The following FAM227B variants were observed in gnomAD, a reference collection of about 807,000 sequenced individuals.
The protein encoded by FAM227B is family with sequence similarity 227 member B.
A neutral mutation model predicts 73.8 loss-of-function variants in FAM227B; 88 were observed. The ratio of observed to expected loss-of-function variants is 1.19; its 90% CI spans 1.00 to 1.42. The LOEUF is 1.42. Among genes scored for constraint, FAM227B ranks in the 40% most tolerant of loss-of-function variants. The pLI, the probability that FAM227B is intolerant of heterozygous loss-of-function variation, is 0.00. For synonymous variants in FAM227B, 210 were observed against 190.5 expected (o/e 1.10, Z -0.84); for missense variants, 632 against 590.9 (o/e 1.07, Z -0.72).
intron 1 of FAM227B, among the ~76,000 whole-genome samples, chr15:49,618,343 T>C (rs1012881012): frequency 6.6e-6 from 1 of 152,162 alleles, no homozygotes; most frequent in African/African-American, 2.4e-5. Flanking sequence ...CTAAAGGCTG[T>C]AACGCTGTAG....
At chr15:49,482,316 C>T (rs1187702377) in intron 11 of FAM227B, among the ~76,000 whole-genome samples, 5 of 151,882 alleles carry the variant, frequency 3.3e-5, no homozygotes, top group Admixed American at 1.3e-4. Flanking sequence ...AGTAAGTTAC[C>T]ATTCTTGTGT....
intron 12 of FAM227B, 29 bp downstream of exon 12, chr15:49,371,273 A>T (rs746011176): frequency 3.6e-6 from 5 of 1,388,328 alleles, no homozygotes; most frequent in Non-Finnish European, 5.1e-6. Flanking sequence ...ACAAGTAAGA[A>T]ATTTTTTCAT....
At chr15:49,571,552 C>T (rs751962699) in intron 8 of FAM227B, among the ~76,000 whole-genome samples, 10 of 151,618 alleles carry the variant, frequency 6.6e-5, no homozygotes, top group Non-Finnish European at 1.3e-4. Flanking sequence ...GTTCAATTTC[C>T]GTCTTCTGCA....
chr15:49,567,969 A>T (rs563013877), intron 9 of FAM227B, among the ~76,000 whole-genome samples: 1 of 152,212 alleles, frequency 6.6e-6, no homozygotes, highest in East Asian at 1.9e-4. Flanking sequence ...AAAAACAGGA[A>T]CATACATAGA....
In FAM227B at chr15:49,352,971, A is replaced by C. The variant is rs528112204; in HGVS notation, c.1271+14477T>G. ...CTTAGCTTTGCTTGGTCAACAGGTT[A>C]TTCTGGTAGTCTTTTAGGGGACTAT... is the stretch of plus-strand genomic sequence containing the variant. On this transcript the variant is annotated intron_variant, in intron 13 of 15. Transcript: ENST00000299338. Among the ~76,000 whole-genome samples, 138 of 152,318 alleles carry C rather than the reference A, an allele frequency of 9.1e-4. 5 individuals carry two copies. In the South Asian group the frequency reaches 0.027, roughly 30 times the overall value.
intron 11 of FAM227B, among the ~76,000 whole-genome samples, chr15:49,464,260 A>G (rs964696959): frequency 2.0e-5 from 3 of 152,164 alleles, no homozygotes; most frequent in African/African-American, 7.2e-5. Flanking sequence ...TTTTTTGCCC[A>G]ACAATTTCTG....
chr15:49,590,073 C>CA (rs1193036499), intron 3 of FAM227B, 66 bp from the exon 4 acceptor site: 2 of 832,358 alleles, frequency 2.4e-6, no homozygotes, highest in African/African-American at 3.5e-5. Context: ...TAATAGAGTT[C>CA]AAAACCAATG....
chr15:49,550,284 G>A (rs1257746207), intron 9 of FAM227B, among the ~76,000 whole-genome samples: 19 of 145,916 alleles, frequency 1.3e-4, no homozygotes, highest in Non-Finnish European at 1.8e-4. Context: ...AGGGGCGGCC[G>A]GGCAGAGGCG....
At chr15:49,416,433 T>C (rs534355049) in intron 11 of FAM227B, among the ~76,000 whole-genome samples, 2 of 152,100 alleles carry the variant, frequency 1.3e-5, no homozygotes, top group African/African-American at 2.4e-5. Flanking sequence ...TCTGAGAATG[T>C]AGTAGAAATA....
At chr15:49,499,091 G>A (rs1458006624) in intron 11 of FAM227B, among the ~76,000 whole-genome samples, 19 of 146,112 alleles carry the variant, frequency 1.3e-4, no homozygotes, top group South Asian at 4.3e-4. Flanking sequence ...GCGTGAACCC[G>A]GGAGGCGGAG....
rs544808347 is a variant in FAM227B, at chr15:49,410,509, A to G, written c.1013-39110T>C. Among the ~76,000 whole-genome samples, 4 of 152,244 alleles carry G rather than the reference A, an allele frequency of 2.6e-5. No individual in the cohort carries two copies. The East Asian group carries it at 5.8e-4, about 22-fold the overall frequency. The stretch of plus-strand genomic sequence containing the variant: ...CACTATCACCTCATTTACACAGCAC[A>G]TAAGTTGTGTCATTTCAATTGTGAA... On this transcript the variant is annotated intron_variant, in intron 11 of 15. Coordinates refer to ENST00000299338, the MANE Select transcript of FAM227B (RefSeq NM_152647.3).
chr15:49,536,847 G>C (rs2070348059), intron 10 of FAM227B, among the ~76,000 whole-genome samples: 1 of 151,878 alleles, frequency 6.6e-6, no homozygotes, highest in Non-Finnish European at 1.5e-5. Context: ...ATGGTGCTGG[G>C]AAAACTGAAT....
intron 13 of FAM227B, among the ~76,000 whole-genome samples, chr15:49,355,922 T>C (rs2043080880): frequency 1.3e-5 from 2 of 150,602 alleles, no homozygotes; most frequent in South Asian, 2.1e-4. Flanking sequence ...CAGAAGAGAG[T>C]GGGGGCCAAT....
At chr15:49,592,457 G>A (rs1025897044) in intron 3 of FAM227B, among the ~76,000 whole-genome samples, 1 of 152,164 alleles carries the variant, frequency 6.6e-6, no homozygotes, top group Non-Finnish European at 1.5e-5. Flanking sequence ...TTTGCTGGTG[G>A]TCCACTCCAG....
At chr15:49,415,967 G>A (rs1009936376) in intron 11 of FAM227B, among the ~76,000 whole-genome samples, 1 of 152,036 alleles carries the variant, frequency 6.6e-6, no homozygotes, top group Non-Finnish European at 1.5e-5. Flanking sequence ...CCATACTACA[G>A]CCTCCTTTTA....
chr15:49,423,204 G>C (rs2049837629), intron 11 of FAM227B: 1 of 153,510 alleles, frequency 6.5e-6, no homozygotes, highest in African/African-American at 2.4e-5. Context: ...AATGAGGTCA[G>C]CAAAGGTATT....
chr15:49,522,115 C>T (rs1429136221), intron 10 of FAM227B, among the ~76,000 whole-genome samples: 1 of 152,158 alleles, frequency 6.6e-6, no homozygotes, highest in Non-Finnish European at 1.5e-5. Flanking sequence ...TCAGTTCATA[C>T]ACCCAATACA....
chr15:49,451,068 A>C (rs2151884530), intron 11 of FAM227B, among the ~76,000 whole-genome samples: 1 of 152,226 alleles, frequency 6.6e-6, no homozygotes, highest in East Asian at 1.9e-4. Context: ...TTCAATCAAA[A>C]TTTTAAGTCA....
intron 10 of FAM227B, among the ~76,000 whole-genome samples, chr15:49,516,571 C>T (rs1317323072): frequency 1.3e-5 from 2 of 151,906 alleles, no homozygotes; most frequent in Admixed American, 1.3e-4. Flanking sequence ...TATCTAAATC[C>T]TAGGCAGAAG....
Sources: allele counts gnomAD v4.1 joint callset (sites outside exome capture counted in the v4.1 genomes callset), GRCh38; gene constraint gnomAD v4.1.1; transcripts MANE v1.5; gene names NCBI Gene and HGNC (gene_info 2026-07-23, HGNC 2026-07-21).